MYO5C: variants seen among roughly 807,000 people sequenced by gnomAD.
The protein encoded by MYO5C is unconventional myosin-Vc.
Under a neutral mutation model 235.7 loss-of-function variants are expected in MYO5C, and 194 were observed. That is an observed-to-expected ratio of 0.82 (90% CI 0.73 to 0.93). The LOEUF (loss-of-function observed/expected upper bound fraction) is 0.93, where lower values mean the gene tolerates loss of function less well. Ranked by LOEUF, MYO5C falls within the 40% of genes least tolerant of loss-of-function variation. The pLI, the probability that MYO5C is intolerant of heterozygous loss-of-function variation, is 0.00. For synonymous variants in MYO5C, 707 were observed against 754.8 expected (o/e 0.94, Z 1.04); for missense variants, 2,038 against 2,127.2 (o/e 0.96, Z 0.82).
At chr15:52,244,703 C>T (rs190594760) in intron 18 of MYO5C, 136 bp from the exon 19 acceptor site, 2 of 636,008 alleles carry the variant, frequency 3.1e-6, no homozygotes, top group Admixed American at 2.9e-5. Context: ...AAACTCACAT[C>T]ATGATCTAGA....
rs192901094 is a variant in MYO5C, at chr15:52,282,782, C to T, written c.138G>A (p.Thr46=). The T allele has an allele frequency of 7.5e-6, 12 of 1,595,678 alleles. No homozygotes were observed. In the East Asian group the frequency reaches 1.6e-4, roughly 21 times the overall value. ...AGCTGTGAACAGCAAGGACCCTCAC[C>T]GTTCCATCCTCCAGCAGGAGTCGCA... is the stretch of plus-strand genomic sequence containing the variant. ...KVLRLLLEDG[T]ELDYSVNPES... is the part of the protein sequence containing the mutation. The change falls in exon 2 of 41, where the codon ACG becomes ACA. Residue 46 remains threonine, a splice_region_variant and synonymous_variant. Transcript: ENST00000261839.
In MYO5C at chr15:52,196,441, GTTC is replaced by G. The variant is rs751902957; in HGVS notation, c.4860_4862del (p.Lys1620del). 6.8e-6 allele frequency: 11 copies of G among 1,614,092 alleles called. No homozygotes were observed. The highest frequency in any genetic ancestry group is 9.3e-6 in the Non-Finnish European group (11 of 1,179,996). ...TTTCCTTTGCTAAGCTGTTCTGCAA[GTTC>G]TTATCTTTAAGCCATTCTTCTAAGT... On this transcript the variant is annotated inframe_deletion, in exon 39 of 41. Transcript: ENST00000261839.
At chr15:52,268,380 C>A (rs996543740) in intron 8 of MYO5C, among the ~76,000 whole-genome samples, 1 of 152,070 alleles carries the variant, frequency 6.6e-6, no homozygotes, top group Non-Finnish European at 1.5e-5. Context: ...TTGGCCAACA[C>A]GGTGAAACCC....
At chr15:52,223,018 G>A (rs921902678) in intron 29 of MYO5C, among the ~76,000 whole-genome samples, 1 of 152,000 alleles carries the variant, frequency 6.6e-6, no homozygotes, top group African/African-American at 2.4e-5. Context: ...CCGTGATGGT[G>A]GGCGCCTGTA....
chr15:52,255,073 A>G (rs1371528076), intron 11 of MYO5C, among the ~76,000 whole-genome samples: 2 of 151,892 alleles, frequency 1.3e-5, no homozygotes, highest in Non-Finnish European at 2.9e-5. Context: ...ACAATATTAG[A>G]CAGTTATTAT....
intron 12 of MYO5C, 151 bp from the exon 13 acceptor site, chr15:52,251,666 T>C (rs568069331): frequency 3.7e-6 from 1 of 268,740 alleles, no homozygotes. Flanking sequence ...TATTTATTTA[T>C]TTATTTATTT....
At chr15:52,209,269 T>TAGA (rs1205573584) in intron 35 of MYO5C, among the ~76,000 whole-genome samples, 5 of 152,058 alleles carry the variant, frequency 3.3e-5, no homozygotes, top group African/African-American at 1.2e-4. Context: ...TGCTAATGCT[T>TAGA]TGGTCAATTT....
intron 22 of MYO5C, 120 bp from the exon 23 acceptor site, chr15:52,235,883 G>A (rs8031357): frequency 0.73 from 462,070 of 629,838 alleles, 183,439 homozygotes; most frequent in Non-Finnish European, 0.84. Flanking sequence ...CTCAGCTCCT[G>A]TCTATAGATA....
chr15:52,279,741 G>T, intron 2 of MYO5C, 67 bp from the exon 3 acceptor site: 1 of 1,453,318 alleles, frequency 6.9e-7, no homozygotes. Flanking sequence ...TTGAAGCACT[G>T]TCCTTTGTCC....
At position 52,272,674 on chromosome 15, in the gene MYO5C, C is replaced by G. The variant is rs749415370; in HGVS notation, c.656G>C (p.Gly219Ala). 1.9e-6 allele frequency: 3 copies of G among 1,613,980 alleles called. No homozygotes were observed. The African/African-American group carries it at 4.0e-5, about 22-fold the overall frequency. ...ATCAAAACTGATTTCTGTGTATTTCCCAAACCGACTACTATTGTCATTGCG... is the reference window on the plus strand; with the variant it reads ...ATCAAAACTGATTTCTGTGTATTTCGCAAACCGACTACTATTGTCATTGCG... ...TTRNDNSSRFGKYTEISFDEQ... is the reference protein window; with the variant it reads ...TTRNDNSSRFAKYTEISFDEQ... The change falls in exon 6 of 41, where the codon GGG becomes GCG. Residue 219 changes from glycine to alanine, a missense_variant. Coordinates refer to ENST00000261839, the MANE Select transcript of MYO5C (RefSeq NM_018728.4).
chr15:52,211,290 C>T (rs1379819529), intron 35 of MYO5C, among the ~76,000 whole-genome samples: 1 of 152,200 alleles, frequency 6.6e-6, no homozygotes, highest in Non-Finnish European at 1.5e-5. Context: ...AAGTAACTAA[C>T]CTAACTAATA....
chr15:52,219,010 C>G (rs2035616594), intron 31 of MYO5C, among the ~76,000 whole-genome samples: 1 of 152,198 alleles, frequency 6.6e-6, no homozygotes, highest in African/African-American at 2.4e-5. Context: ...CAGTCATCCC[C>G]TTTGTGACCA....
chr15:52,245,750 G>A (rs1264036472), intron 17 of MYO5C, among the ~76,000 whole-genome samples: 1 of 152,224 alleles, frequency 6.6e-6, no homozygotes, highest in African/African-American at 2.4e-5. Flanking sequence ...TGCAGTGATG[G>A]GGTGAGAAGG....
At chr15:52,244,182 CCT>C (rs1234671668) in intron 19 of MYO5C, among the ~76,000 whole-genome samples, 172 bp downstream of exon 19, 1 of 152,076 alleles carries the variant, frequency 6.6e-6, no homozygotes, top group Non-Finnish European at 1.5e-5. Flanking sequence ...ACTACCTGCC[CCT>C]GAGAGACGGA....
At chr15:52,282,927 A>T in intron 1 of MYO5C, 35 bp from the exon 2 acceptor site, 1 of 1,409,456 alleles carries the variant, frequency 7.1e-7, no homozygotes, top group East Asian at 2.3e-5. Context: ...GAATTTCAGG[A>T]CTTCCAAAAT....
At chr15:52,251,639 C>CT (rs869091368) in intron 12 of MYO5C, 124 bp from the exon 13 acceptor site, 2 of 408,834 alleles carry the variant, frequency 4.9e-6, no homozygotes, top group African/African-American at 2.2e-5. Flanking sequence ...CAATTAGAGG[C>CT]TTTTTATTTA....
intron 3 of MYO5C, 117 bp from the exon 4 acceptor site, chr15:52,279,134 G>GACTA: frequency 9.0e-7 from 1 of 1,105,114 alleles, no homozygotes; most frequent in Non-Finnish European, 1.3e-6. Flanking sequence ...GTGACTTTGG[G>GACTA]CAAGTCACTT....
chr15:52,280,255 C>G (rs1029748368), intron 2 of MYO5C, among the ~76,000 whole-genome samples: 1 of 152,198 alleles, frequency 6.6e-6, no homozygotes, highest in Non-Finnish European at 1.5e-5. Flanking sequence ...GCAGGTGTCT[C>G]CTGTCTGCAG....
intron 26 of MYO5C, 28 bp from the exon 27 acceptor site, chr15:52,225,166 A>T: frequency 6.2e-7 from 1 of 1,611,192 alleles, no homozygotes; most frequent in Non-Finnish European, 8.5e-7. Flanking sequence ...AGTTGTATAT[A>T]TTACATTTGT....
Sources: allele counts gnomAD v4.1 joint callset (sites outside exome capture counted in the v4.1 genomes callset), GRCh38; gene constraint gnomAD v4.1.1; transcripts MANE v1.5; gene names NCBI Gene and HGNC (gene_info 2026-07-23, HGNC 2026-07-21).